Variants in CDKL5 observed in about 807,000 individuals in gnomAD.
The protein encoded by CDKL5 is cyclin-dependent kinase-like 5.
In CDKL5, 8 loss-of-function variants were observed where a neutral mutation model predicts 61.7. That is an observed-to-expected ratio of 0.13 (90% CI 0.08 to 0.23). The LOEUF (loss-of-function observed/expected upper bound fraction) is 0.23. Ranked by LOEUF, CDKL5 falls within the 10% of genes least tolerant of loss-of-function variation. The pLI is 1.00. For synonymous variants in CDKL5, 275 were observed against 272.3 expected (o/e 1.01, Z -0.10); for missense variants, 440 against 734.5 (o/e 0.60, Z 4.63).
intron 1 of CDKL5, among the ~76,000 whole-genome samples, chrX:18,436,422 G>A (rs1194257288): frequency 2.7e-5 from 3 of 111,558 alleles, no homozygotes; most frequent in Non-Finnish European, 5.6e-5. Context: ...ACAGGGTAGG[G>A]TTGGAGAGTC....
At chrX:18,530,695 A>G (rs1923615239) in intron 3 of CDKL5, among the ~76,000 whole-genome samples, 1 of 111,611 alleles carries the variant, frequency 9.0e-6, no homozygotes, top group African/African-American at 3.3e-5. Flanking sequence ...GTCTCTTTAG[A>G]CTATGCTTTT....
chrX:18,429,943 AG>A (rs1399537464), intron 1 of CDKL5, among the ~76,000 whole-genome samples: 1 of 111,903 alleles, frequency 8.9e-6, no homozygotes, highest in Non-Finnish European at 1.9e-5. Context: ...GCCCACCCCA[AG>A]GGTATTTTGA....
intron 1 of CDKL5, among the ~76,000 whole-genome samples, chrX:18,433,406 C>T (rs772341972): frequency 6.3e-5 from 7 of 111,274 alleles, no homozygotes; most frequent in Non-Finnish European, 1.3e-4. Context: ...CAAAATTAGC[C>T]GGGCCTGGTG....
At position 18,634,811 on chromosome X, in the gene CDKL5, G is replaced by A; in HGVS notation, c.*6054G>A. 1.3e-6 allele frequency: 1 copy of A among 751,842 alleles called. No homozygotes were observed. Among genetic ancestry groups the A allele is most frequent in the South Asian group, 6.8e-5 (1 of 14,749 alleles). The allele number at this position is 751,842 out of a possible 1,213,427, so 62.0% of individuals were successfully genotyped here. A position where few individuals can be genotyped will look rare whatever the true frequency, so the allele number is the denominator to read the frequency against. ...ATTGCTTTGTGCCATTTTGAATTCA[G>A]GTAGTTATTCTGTATATACTTAGCT... On this transcript the variant is annotated 3_prime_UTR_variant, in exon 18 of 18. Coordinates refer to ENST00000623535, the MANE Select transcript of CDKL5 (RefSeq NM_001323289.2).
At position 18,634,162 on chromosome X, in the gene CDKL5, G is replaced by T. The variant is rs1431607510; in HGVS notation, c.*5405G>T. 1.3e-6 allele frequency: 1 copy of T among 752,127 alleles called. No homozygotes were observed. Among genetic ancestry groups the T allele is most frequent in the Non-Finnish European group, 1.6e-6 (1 of 638,955 alleles). The allele number at this position is 752,127 out of a possible 1,213,427, so 62.0% of individuals were successfully genotyped here. A position where few individuals can be genotyped will look rare whatever the true frequency, so the allele number is the denominator to read the frequency against. On this transcript the variant is annotated 3_prime_UTR_variant, in exon 18 of 18. Transcript: ENST00000623535. The stretch of plus-strand genomic sequence containing the variant: ...CCATGTTGTATGCAGATTAGAAGTT[G>T]CCTTGTTTGTTACTCTTCCAACACA...
At chrX:18,527,514 G>A (rs1000649409) in intron 3 of CDKL5, among the ~76,000 whole-genome samples, 1 of 111,490 alleles carries the variant, frequency 9.0e-6, no homozygotes, top group Non-Finnish European at 1.9e-5. Context: ...AAATTTTTAG[G>A]CATAGATTTA....
rs993203514 is a variant in CDKL5 at position 18,633,842 on chromosome X, C to G, written c.*5085C>G. On this transcript the variant is annotated 3_prime_UTR_variant, in exon 18 of 18. Coordinates refer to ENST00000623535, the MANE Select transcript of CDKL5 (RefSeq NM_001323289.2). ...GTCCTGGCTCCACCTTTCTCCTCTC[C>G]GGGCACTGACCCCACCTTTCCGTGT... 9.3e-6 allele frequency: 7 copies of G among 754,204 alleles called. No individual in the cohort carries two copies. In the South Asian group the frequency reaches 4.7e-4, roughly 51 times the overall value. 62.2% of individuals were successfully genotyped at this position (754,204 alleles called of 1,213,427 possible).
chrX:18,498,792 T>G (rs1922273604), intron 1 of CDKL5, among the ~76,000 whole-genome samples: 1 of 111,944 alleles, frequency 8.9e-6, no homozygotes, highest in East Asian at 2.8e-4. Context: ...TTTTATTTAT[T>G]TATTTATTTT....
In CDKL5 at chrX:18,628,443, C is replaced by A; in HGVS notation, c.2569C>A (p.Pro857Thr). The change falls in exon 18 of 18, where the codon CCC (proline) becomes ACC (threonine). Residue 857 changes from proline to threonine, a missense_variant. By Grantham distance (38) the Pro-to-Thr change is conservative. Around this residue, in one of 2 missense-constraint regions of CDKL5, gnomAD observed 363 missense variants for 516.3 expected, o/e 0.70. Coordinates refer to ENST00000623535, the MANE Select transcript of CDKL5 (RefSeq NM_001323289.2). ...SASNHPASSD[P>T]RFQPLTAQQT... ...CTCAAATCACCCGGCTTCCTCAGAT[C>A]CCCGCTTCCAGCCCTTAACAGCTCA... 4.1e-6 allele frequency: 5 copies of A among 1,211,777 alleles called. No individual in the cohort carries two copies. Among genetic ancestry groups the A allele is most frequent in the Non-Finnish European group, 5.6e-6 (5 of 895,225 alleles).
intron 1 of CDKL5, among the ~76,000 whole-genome samples, chrX:18,476,801 T>G (rs908268519): frequency 9.0e-6 from 1 of 111,400 alleles, no homozygotes; most frequent in African/African-American, 3.3e-5. Context: ...GGAGTCTCGC[T>G]CTGTCGCCAT....
At chrX:18,598,883 C>G (rs1926095254) in intron 11 of CDKL5, among the ~76,000 whole-genome samples, 1 of 111,819 alleles carries the variant, frequency 8.9e-6, no homozygotes, top group African/African-American at 3.3e-5. Flanking sequence ...GGGTTTACAG[C>G]CTCAAGAGCT....
At position 18,525,744 on chromosome X, in the gene CDKL5, C is replaced by CT. The variant is rs778200388; in HGVS notation, c.99+14911dup. On this transcript the variant is annotated intron_variant, in intron 3 of 17. Coordinates refer to ENST00000623535, the MANE Select transcript of CDKL5 (RefSeq NM_001323289.2). ...AACTGACATCTTAACAATATTGAGT[C>CT]TTTTTTTTTTTTTTTTTTTTTAATT... Among the ~76,000 whole-genome samples the CT allele has an allele frequency of 7.8e-3, 587 of 75,596 alleles. 5 individuals carry two copies. Among genetic ancestry groups the CT allele is most frequent in the African/African-American group, 0.016 (334 of 20,412 alleles). 65.6% of individuals were successfully genotyped at this position (75,596 alleles called of 115,157 possible).
At chrX:18,510,975 C>A in intron 3 of CDKL5, 121 bp downstream of exon 3, 1 of 539,176 alleles carries the variant, frequency 1.9e-6, no homozygotes, top group Non-Finnish European at 3.0e-6. Flanking sequence ...ATGCTTGAGA[C>A]CAGAAATGTT....
At chrX:18,478,797 C>T (rs1324125816) in intron 1 of CDKL5, among the ~76,000 whole-genome samples, 1 of 107,003 alleles carries the variant, frequency 9.3e-6, no homozygotes, top group African/African-American at 3.4e-5. Flanking sequence ...TGCAACCTCT[C>T]CCTCTCGGGT....
intron 16 of CDKL5, among the ~76,000 whole-genome samples, chrX:18,621,688 C>T (rs1346568320): frequency 1.8e-5 from 2 of 110,969 alleles, no homozygotes; most frequent in Non-Finnish European, 1.9e-5. Flanking sequence ...ATCTTCAATC[C>T]TAATGGCTGC....
intron 1 of CDKL5, among the ~76,000 whole-genome samples, chrX:18,466,181 T>C (rs766795083): frequency 3.6e-5 from 4 of 111,613 alleles, no homozygotes; most frequent in Non-Finnish European, 5.6e-5. Context: ...CTGAATTATA[T>C]ATAATCATTA....
intron 3 of CDKL5, among the ~76,000 whole-genome samples, chrX:18,549,586 G>C (rs537239254): frequency 3.2e-4 from 36 of 112,165 alleles, no homozygotes; most frequent in East Asian, 1.7e-3. Context: ...CCAGGAAAGA[G>C]AGCAGGATGA....
chrX:18,575,573 T>C, intron 5 of CDKL5, 83 bp downstream of exon 5: 1 of 878,678 alleles, frequency 1.1e-6, no homozygotes, highest in Non-Finnish European at 1.7e-6. Context: ...AAAGTACTGT[T>C]ATCTAATATG....
rs1927295587 is a variant in CDKL5, at chrX:18,633,668, A to G, written c.*4911A>G. The G allele has an allele frequency of 1.1e-5, 8 of 754,551 alleles. No homozygotes were observed. The highest frequency in any genetic ancestry group is 1.3e-5 in the Non-Finnish European group (8 of 639,408). The allele number at this position is 754,551 out of a possible 1,213,427, so 62.2% of individuals were successfully genotyped here. ...ATGTGGGAGAAGTGGGGTGGCTAGG[A>G]AACTCTGGGCCTGCTGCCCCCTTCG... is the stretch of plus-strand genomic sequence containing the variant. On this transcript the variant is annotated 3_prime_UTR_variant, in exon 18 of 18. Coordinates refer to ENST00000623535, the MANE Select transcript of CDKL5 (RefSeq NM_001323289.2).
Sources: allele counts gnomAD v4.1 joint callset (sites outside exome capture counted in the v4.1 genomes callset), GRCh38; gene constraint gnomAD v4.1.1; regional missense constraint gnomAD v4.1.1; transcripts MANE v1.5; gene names NCBI Gene and HGNC (gene_info 2026-07-23, HGNC 2026-07-21).